Variants in ERLIN2 observed in about 807,000 individuals in gnomAD.
ERLIN2 encodes the protein erlin-2.
In ERLIN2, 22 loss-of-function variants were observed where a neutral mutation model predicts 41.5. The observed-to-expected ratio is 0.53, with a 90% CI of 0.38 to 0.76. The LOEUF is 0.76. Among genes scored for constraint, ERLIN2 ranks in the 30% least tolerant of loss-of-function variants. The pLI, the probability that ERLIN2 is intolerant of heterozygous loss-of-function variation, is 0.00. For synonymous variants in ERLIN2, 149 were observed against 150.9 expected (o/e 0.99, Z 0.09); for missense variants, 247 against 414.3 (o/e 0.60, Z 3.51).
At chr8:37,745,614 G>A (rs1251524641) in intron 6 of ERLIN2, 2 of 1,614,096 alleles carry the variant, frequency 1.2e-6, no homozygotes, top group Non-Finnish European at 8.5e-7. Flanking sequence ...AAGGGACCCT[G>A]AGCAAGAACA....
In ERLIN2 at chr8:37,754,206, C is replaced by CT; in HGVS notation, c.*92dup. On this transcript the variant is annotated 3_prime_UTR_variant, in exon 12 of 12. Transcript: ENST00000519638. ...GTTCCTCCCTCCCCGACTACCTTCT[C>CT]TGACTGTCTTCCAGTTACTGTGGTG... The CT allele has an allele frequency of 1.1e-6, 1 of 933,774 alleles. No individual in the cohort carries two copies. The allele number at this position is 933,774 out of a possible 1,614,324, so 57.8% of individuals were successfully genotyped here.
Position 37,754,050 on chromosome 8 carries a change from C to A in ERLIN2, c.955C>A (p.Leu319Ile). Residue 319 changes from leucine to isoleucine, a missense_variant, in exon 12 of 12, where the codon CTA (leucine) becomes ATA (isoleucine). Physicochemically the swap from Leu to Ile is conservative, Grantham distance 5. This residue lies in a region of ERLIN2 where 153 missense variants were observed against 256.4 expected (regional missense o/e 0.60). Coordinates refer to ENST00000519638, the MANE Select transcript of ERLIN2 (RefSeq NM_007175.8). Reference sequence around the variant, plus strand: ...CAGTGTGAGCAAGCAGTTTGAGGGGCTAGCTGACAAGCTAAGCTTTGGCTT... The same window carrying A: ...CAGTGTGAGCAAGCAGTTTGAGGGGATAGCTGACAAGCTAAGCTTTGGCTT... ...AGSVSKQFEG[L>I]ADKLSFGLED... 4.3e-6 allele frequency: 7 copies of A among 1,614,128 alleles called. No individual in the cohort carries two copies. The highest frequency in any genetic ancestry group is 5.9e-6 in the Non-Finnish European group (7 of 1,179,988).
Position 37,755,562 on chromosome 8 carries a change from A to ACCCCCC in ERLIN2, c.*1448_*1453dup, listed in dbSNP as rs1803335951. 1.7e-5 allele frequency: 1 copy of ACCCCCC among 58,270 alleles called. No individual in the cohort carries two copies. The allele number at this position is 58,270 out of a possible 1,614,324, so 3.6% of individuals were successfully genotyped here. ...TGTTATGAGCTGACCCCCACCCCCC[A>ACCCCCC]CCCCCCACCCCCCCCCCCCGCCAAC... is the stretch of plus-strand genomic sequence containing the variant. On this transcript the variant is annotated 3_prime_UTR_variant, in exon 12 of 12. Coordinates refer to ENST00000519638, the MANE Select transcript of ERLIN2 (RefSeq NM_007175.8).
chr8:37,754,156 T>C lies in ERLIN2; in HGVS notation c.*41T>C, dbSNP rs762520872. ...ACTGCAAATGATACTTAAGCAGATC[T>C]TTATTTTTTAAGATGAATCAGAATG... On this transcript the variant is annotated 3_prime_UTR_variant, in exon 12 of 12. Coordinates refer to ENST00000519638, the MANE Select transcript of ERLIN2 (RefSeq NM_007175.8). 1 of 1,408,868 alleles carries C rather than the reference T, an allele frequency of 7.1e-7. No homozygotes were observed. Among genetic ancestry groups the C allele is most frequent in the South Asian group, 1.2e-5 (1 of 85,320 alleles). The allele number at this position is 1,408,868 out of a possible 1,614,324, so 87.3% of individuals were successfully genotyped here.
rs778852699 is a variant in ERLIN2 at position 37,744,563 on chromosome 8, CCT to C, written c.299-4_299-3del. ...TTTCTTATGCCAAGCCCTCTCCTTC[CCT>C]CTCAGTGTATGATATAGTGAAGAAC... On this transcript the variant is annotated splice_region_variant and splice_polypyrimidine_tract_variant and intron_variant, in intron 5 of 11. Transcript: ENST00000519638. 6.9e-5 allele frequency: 112 copies of C among 1,614,114 alleles called. No homozygotes were observed. In the African/African-American group the frequency reaches 1.2e-3, roughly 17 times the overall value.
intron 6 of ERLIN2, chr8:37,745,477 TTC>T (rs1186707006): frequency 8.1e-7 from 1 of 1,235,854 alleles, no homozygotes; most frequent in Non-Finnish European, 1.2e-6. Context: ...CAGTCAAGTA[TTC>T]TGTTTAAACT....
At position 37,737,922 on chromosome 8, in the gene ERLIN2, G is replaced by A. The variant is rs1802709752; in HGVS notation, c.-1G>A. Reference sequence around the variant, plus strand: ...CTTTTCCCTAGGATAAAGGCTCACTGATGGCTCAGTTGGGAGCAGTTGTGG... The same window carrying A: ...CTTTTCCCTAGGATAAAGGCTCACTAATGGCTCAGTTGGGAGCAGTTGTGG... On this transcript the variant is annotated 5_prime_UTR_variant, in exon 2 of 12. Coordinates refer to ENST00000519638, the MANE Select transcript of ERLIN2 (RefSeq NM_007175.8). The A allele has an allele frequency of 1.2e-6, 2 of 1,614,170 alleles. No homozygotes were observed. The highest frequency in any genetic ancestry group is 1.7e-6 in the Non-Finnish European group (2 of 1,180,022).
chr8:37,751,521 G>A (rs1803217509), intron 9 of ERLIN2, 105 bp from the exon 10 acceptor site: 1 of 890,250 alleles, frequency 1.1e-6, no homozygotes, highest in Non-Finnish European at 1.9e-6. Context: ...CCCTCTGGGG[G>A]CTCTCCAGAC....
intron 11 of ERLIN2, 92 bp downstream of exon 11, chr8:37,753,621 C>A: frequency 1.7e-6 from 2 of 1,149,578 alleles, no homozygotes; most frequent in South Asian, 1.3e-5. Context: ...TGCCACCACC[C>A]AAAGCCCTTC....
At position 37,744,564 on chromosome 8, in the gene ERLIN2, C is replaced by T. The variant is rs754387519; in HGVS notation, c.299-7C>T. ...TTCTTATGCCAAGCCCTCTCCTTCC[C>T]TCTCAGTGTATGATATAGTGAAGAA... On this transcript the variant is annotated splice_region_variant and splice_polypyrimidine_tract_variant and intron_variant, in intron 5 of 11. Coordinates refer to ENST00000519638, the MANE Select transcript of ERLIN2 (RefSeq NM_007175.8). The T allele has an allele frequency of 8.1e-6, 13 of 1,613,908 alleles. No homozygotes were observed. The highest frequency in any genetic ancestry group is 1.1e-5 in the Non-Finnish European group (13 of 1,179,996).
At chr8:37,740,212 G>A (rs568885198) in intron 2 of ERLIN2, among the ~76,000 whole-genome samples, 153 bp from the exon 3 acceptor site, 1 of 152,292 alleles carries the variant, frequency 6.6e-6, no homozygotes, top group East Asian at 1.9e-4. Context: ...ATCTAGCTGA[G>A]AGGAAGAAAG....
intron 2 of ERLIN2, among the ~76,000 whole-genome samples, chr8:37,739,395 G>A (rs559683473): frequency 1.6e-4 from 24 of 152,238 alleles, no homozygotes; most frequent in Admixed American, 1.4e-3. Context: ...ATTAGTGCAG[G>A]TAGTTGATAA....
At chr8:37,742,066 G>A (rs549067951) in intron 4 of ERLIN2, among the ~76,000 whole-genome samples, 14 of 152,216 alleles carry the variant, frequency 9.2e-5, no homozygotes, top group African/African-American at 3.1e-4. Context: ...AGGATCGGCC[G>A]GGCGCGGTGG....
At chr8:37,746,243 T>G in intron 6 of ERLIN2, 1 of 985,696 alleles carries the variant, frequency 1.0e-6, no homozygotes, top group Non-Finnish European at 1.2e-6. Context: ...CTCAGGACTC[T>G]TATAGCCCAG....
intron 1 of ERLIN2, chr8:37,737,214 G>C (rs1405317832): frequency 6.2e-6 from 1 of 160,240 alleles, no homozygotes. Context: ...GAGGCTCGCA[G>C]TTTGGGACAT....
At position 37,747,864 on chromosome 8, in the gene ERLIN2, T is replaced by C. The variant is rs756805347; in HGVS notation, c.425-1695T>C. The stretch of plus-strand genomic sequence containing the variant: ...ACCGGTCCCGGGGCCTCATGGGCAA[T>C]TTCTCTAACTGACAGTCCAGCACTA... On this transcript the variant is annotated intron_variant, in intron 6 of 11. Transcript: ENST00000519638. 4 of 1,614,154 alleles carry C rather than the reference T, an allele frequency of 2.5e-6. No individual in the cohort carries two copies. The South Asian group carries it at 3.3e-5, about 13-fold the overall frequency.
chr8:37,738,090 T>C lies in ERLIN2; in HGVS notation c.107+61T>C. 3 of 1,595,572 alleles carry C rather than the reference T, an allele frequency of 1.9e-6. No individual in the cohort carries two copies. In the South Asian group the frequency reaches 3.3e-5, roughly 18 times the overall value. On this transcript the variant is annotated intron_variant, in intron 2 of 11. Transcript: ENST00000519638. ...GTTAAATAGCTCCCTTTCCTGGTCA[T>C]TGCTTTCCTAGCAGATTCTGCTGAA...
rs1420880492 is a variant in ERLIN2, at chr8:37,758,321, C to T, written c.*4206C>T. On this transcript the variant is annotated 3_prime_UTR_variant, in exon 12 of 12. Coordinates refer to ENST00000519638, the MANE Select transcript of ERLIN2 (RefSeq NM_007175.8). The stretch of plus-strand genomic sequence containing the variant: ...AGTTAGACTGCCAAAGTTCAAATCA[C>T]TGCTCTACTACTTCTTAGGTGTGTG... 2 of 152,218 alleles carry T rather than the reference C, an allele frequency of 1.3e-5. No individual in the cohort carries two copies. The highest frequency in any genetic ancestry group is 2.9e-5 in the Non-Finnish European group (2 of 68,040). 9.4% of individuals were successfully genotyped at this position (152,218 alleles called of 1,614,324 possible). A position where few individuals can be genotyped will look rare whatever the true frequency, so the allele number is the denominator to read the frequency against.
chr8:37,739,768 A>G (rs1802786330), intron 2 of ERLIN2, among the ~76,000 whole-genome samples: 1 of 150,176 alleles, frequency 6.7e-6, no homozygotes, highest in Non-Finnish European at 1.5e-5. Context: ...GCCTGGCCAG[A>G]CTTTCTCTTA....
Sources: allele counts gnomAD v4.1 joint callset (sites outside exome capture counted in the v4.1 genomes callset), GRCh38; gene constraint gnomAD v4.1.1; regional missense constraint gnomAD v4.1.1; transcripts MANE v1.5; gene names NCBI Gene and HGNC (gene_info 2026-07-23, HGNC 2026-07-21).